The following TCF12 variants were observed in gnomAD, a reference collection of about 807,000 sequenced individuals.
TCF12 encodes the protein transcription factor 12, also known as DNA-binding protein HTF4.
Under a neutral mutation model 86.0 loss-of-function variants are expected in TCF12, and 45 were observed. The ratio of observed to expected loss-of-function variants is 0.52; its 90% CI spans 0.41 to 0.67. The LOEUF is 0.67. TCF12 is among the 30% of genes least tolerant of loss of function. The pLI is 0.00. For missense variants in TCF12, 881 were observed against 859.9 expected (o/e 1.02, Z -0.31); for synonymous variants, 330 against 299.6 (o/e 1.10, Z -1.05).
intron 6 of TCF12, among the ~76,000 whole-genome samples, chr15:57,166,797 A>G (rs192127462): frequency 2.0e-5 from 3 of 152,338 alleles, no homozygotes; most frequent in Admixed American, 2.0e-4. Flanking sequence ...TATATGATTG[A>G]TCTGCATAGC....
chr15:57,223,316 T>A (rs2058688186), intron 8 of TCF12, among the ~76,000 whole-genome samples: 1 of 152,044 alleles, frequency 6.6e-6, no homozygotes, highest in South Asian at 2.1e-4. Context: ...ACTGAATTTA[T>A]CCTGACTACC....
intron 7 of TCF12, among the ~76,000 whole-genome samples, chr15:57,194,162 A>C (rs2057127463): frequency 6.6e-6 from 1 of 152,110 alleles, no homozygotes; most frequent in Admixed American, 6.6e-5. Flanking sequence ...TTTCAGAAAA[A>C]TCCAGACTTA....
intron 3 of TCF12, among the ~76,000 whole-genome samples, chr15:56,979,147 T>C (rs1390117332): frequency 3.3e-5 from 5 of 152,216 alleles, no homozygotes; most frequent in Non-Finnish European, 5.9e-5. Flanking sequence ...TTGTTTCTTA[T>C]GTTTAACAGG....
At chr15:56,922,391 C>A (rs2059833718) in intron 3 of TCF12, among the ~76,000 whole-genome samples, 1 of 151,930 alleles carries the variant, frequency 6.6e-6, no homozygotes, top group Non-Finnish European at 1.5e-5. Context: ...ACTCCAGGAA[C>A]TTGCTGTTAG....
At chr15:57,033,074 A>T (rs2066299744) in intron 3 of TCF12, among the ~76,000 whole-genome samples, 1 of 152,190 alleles carries the variant, frequency 6.6e-6, no homozygotes. Flanking sequence ...CAGAATGGAG[A>T]TGAAAGAGGA....
At chr15:56,965,494 G>T (rs1259379908) in intron 3 of TCF12, among the ~76,000 whole-genome samples, 1 of 152,146 alleles carries the variant, frequency 6.6e-6, no homozygotes, top group Non-Finnish European at 1.5e-5. Context: ...GAAGAGGAAG[G>T]TGAAACTAGC....
intron 13 of TCF12, chr15:57,246,965 C>T (rs1260089405): frequency 1.9e-6 from 1 of 535,622 alleles, no homozygotes; most frequent in Non-Finnish European, 3.7e-6. Context: ...GTTTTTAGAA[C>T]CTTCTGCTAC....
At chr15:56,924,403 T>C (rs1376844570) in intron 3 of TCF12, among the ~76,000 whole-genome samples, 2 of 152,220 alleles carry the variant, frequency 1.3e-5, no homozygotes, top group Admixed American at 6.5e-5. Flanking sequence ...AGTAAGCTTT[T>C]CAAATTGCTG....
At chr15:57,166,369 GT>G (rs1207059119) in intron 5 of TCF12, 32 bp from the exon 6 acceptor site, 4 of 1,582,050 alleles carry the variant, frequency 2.5e-6, no homozygotes, top group Non-Finnish European at 3.5e-6. Context: ...TAAATGAAGG[GT>G]TTTATATAAA....
intron 3 of TCF12, among the ~76,000 whole-genome samples, chr15:57,026,906 A>G (rs1320236732): frequency 3.3e-5 from 5 of 152,230 alleles, no homozygotes; most frequent in Admixed American, 1.3e-4. Flanking sequence ...TTTCTAGATT[A>G]CATATAATAC....
At chr15:57,257,050 T>C (rs1201042024) in intron 16 of TCF12, among the ~76,000 whole-genome samples, 1 of 152,214 alleles carries the variant, frequency 6.6e-6, no homozygotes, top group Admixed American at 6.5e-5. Context: ...GACAATGTAA[T>C]GTGAAAGCAG....
intron 5 of TCF12, among the ~76,000 whole-genome samples, chr15:57,121,057 A>G (rs1596637142): frequency 6.6e-6 from 1 of 152,232 alleles, no homozygotes; most frequent in Non-Finnish European, 1.5e-5. Flanking sequence ...GTAATCTGGA[A>G]CAGGAGTTTT....
chr15:57,084,934 C>T (rs2048530599), intron 4 of TCF12, among the ~76,000 whole-genome samples: 1 of 152,078 alleles, frequency 6.6e-6, no homozygotes, highest in African/African-American at 2.4e-5. Flanking sequence ...AGATATGTCA[C>T]ACTATATAGT....
chr15:57,006,432 G>A (rs2064378584), intron 3 of TCF12, among the ~76,000 whole-genome samples: 1 of 151,902 alleles, frequency 6.6e-6, no homozygotes, highest in Non-Finnish European at 1.5e-5. Context: ...AGCCTCCCGA[G>A]TAGCTGGGAT....
intron 3 of TCF12, among the ~76,000 whole-genome samples, chr15:56,964,076 A>C (rs767016334): frequency 1.3e-5 from 2 of 152,304 alleles, no homozygotes; most frequent in Non-Finnish European, 2.9e-5. Context: ...CTTGAGCGCA[A>C]ATATGTTTTG....
At chr15:56,923,347 T>G (rs570008822) in intron 3 of TCF12, among the ~76,000 whole-genome samples, 1 of 152,246 alleles carries the variant, frequency 6.6e-6, no homozygotes, top group South Asian at 2.1e-4. Flanking sequence ...ATGGCTGAGT[T>G]ATTTATGAGT....
chr15:57,098,492 G>A (rs2049499934), intron 5 of TCF12, among the ~76,000 whole-genome samples: 1 of 151,966 alleles, frequency 6.6e-6, no homozygotes, highest in Admixed American at 6.6e-5. Flanking sequence ...GCCTTTTACA[G>A]AGGAAAGTAC....
In TCF12 at chr15:57,249,031, A is replaced by C. The variant is rs373369253; in HGVS notation, c.1115-2319A>C. On this transcript the variant is annotated intron_variant, in intron 13 of 20. Transcript: ENST00000333725. ...ACGGGGGGGCTTACAGAAGGAGTAG[A>C]AAAAATGATTGAAAAGTAAAATATT... Among the ~76,000 whole-genome samples the C allele has an allele frequency of 3.0e-3, 461 of 152,366 alleles. 3 individuals are homozygous for C. Among genetic ancestry groups the C allele is most frequent in the African/African-American group, 0.011 (442 of 41,586 alleles).
At chr15:56,980,322 G>A (rs552426223) in intron 3 of TCF12, among the ~76,000 whole-genome samples, 1 of 152,296 alleles carries the variant, frequency 6.6e-6, no homozygotes, top group East Asian at 1.9e-4. Flanking sequence ...CCTTAAAGAT[G>A]TTATTAGGCC....
Sources: allele counts gnomAD v4.1 joint callset (sites outside exome capture counted in the v4.1 genomes callset), GRCh38; gene constraint gnomAD v4.1.1; transcripts MANE v1.5; gene names NCBI Gene and HGNC (gene_info 2026-07-23, HGNC 2026-07-21).